SUV39H2: variants seen among roughly 807,000 people sequenced by gnomAD.
SUV39H2 encodes the protein SUV39H2 histone lysine methyltransferase, also known as histone-lysine N-methyltransferase SUV39H2.
A neutral mutation model predicts 47.5 loss-of-function variants in SUV39H2; 10 were observed. That is an observed-to-expected ratio of 0.21 (90% CI 0.13 to 0.36). The LOEUF (loss-of-function observed/expected upper bound fraction) is 0.36. Ranked by LOEUF, SUV39H2 falls within the 10% of genes least tolerant of loss-of-function variation. SUV39H2 has a pLI of 1.00. For synonymous variants in SUV39H2, 159 were observed against 166.8 expected (o/e 0.95, Z 0.36); for missense variants, 266 against 487.4 (o/e 0.55, Z 4.28).
At chr10:14,894,806 C>A (rs1371319646) in intron 2 of SUV39H2, among the ~76,000 whole-genome samples, 1 of 152,150 alleles carries the variant, frequency 6.6e-6, no homozygotes, top group Non-Finnish European at 1.5e-5. Context: ...TCATGGTGTC[C>A]CTCAGCCCAA....
chr10:14,898,211 T>TC (rs1833735684), intron 3 of SUV39H2: 1 of 137,856 alleles, frequency 7.3e-6, no homozygotes, highest in African/African-American at 2.8e-5. Flanking sequence ...TCTTTTTTTT[T>TC]TTTTTTTTTT....
chr10:14,879,445 C>A (rs917956255), intron 1 of SUV39H2, among the ~76,000 whole-genome samples: 1 of 152,210 alleles, frequency 6.6e-6, no homozygotes, highest in Admixed American at 6.5e-5. Context: ...CGAGGAATCC[C>A]CCCCAAGGCG....
At chr10:14,899,475 T>C (rs1220899560) in intron 3 of SUV39H2, 64 bp from the exon 4 acceptor site, 1 of 1,543,630 alleles carries the variant, frequency 6.5e-7, no homozygotes, top group Non-Finnish European at 8.9e-7. Flanking sequence ...TATTAGTAGA[T>C]AGGTAGATGA....
intron 2 of SUV39H2, among the ~76,000 whole-genome samples, chr10:14,892,077 C>T (rs576999938): frequency 1.5e-4 from 23 of 152,128 alleles, no homozygotes; most frequent in African/African-American, 4.8e-4. Context: ...GTGTCTCCAT[C>T]GTGTAAGTGA....
intron 2 of SUV39H2, among the ~76,000 whole-genome samples, chr10:14,883,872 A>C (rs1468670783): frequency 1.3e-5 from 2 of 152,184 alleles, no homozygotes; most frequent in East Asian, 3.8e-4. Flanking sequence ...GCCGTAGGGC[A>C]GCCACTACAT....
In SUV39H2 at chr10:14,897,247, C is replaced by T. The variant is rs1292281668; in HGVS notation, c.579C>T (p.Cys193=). ...LVNEATFGCS[C]TDCFFQKCCP... ...ATGAAGCTACCTTTGGTTGTTCATG[C>T]ACAGATTGCTTCTTTCAAAAATGTT... Residue 193 remains cysteine (C), a synonymous_variant, in exon 3 of 6, where the codon TGC becomes TGT. Coordinates refer to ENST00000354919, the MANE Select transcript of SUV39H2 (RefSeq NM_001193424.2). 6.2e-7 allele frequency: 1 copy of T among 1,613,806 alleles called. No individual in the cohort carries two copies. Among genetic ancestry groups the T allele is most frequent in the East Asian group, 2.2e-5 (1 of 44,902 alleles).
chr10:14,897,002 C>G lies in SUV39H2; in HGVS notation c.334C>G (p.Pro112Ala), dbSNP rs1564341972. ...SQVKKGKAITPKDNNKTLKPA... is the reference protein window; with the variant it reads ...SQVKKGKAITAKDNNKTLKPA... The stretch of plus-strand genomic sequence containing the variant: ...GGTAAAGAAAGGCAAAGCAATAACT[C>G]CAAAAGACAATAACAAAACTTTGAA... Residue 112 changes from proline (P) to alanine (A), a missense_variant, in exon 3 of 6, where the codon CCA becomes GCA. Coordinates refer to ENST00000354919, the MANE Select transcript of SUV39H2 (RefSeq NM_001193424.2). The G allele has an allele frequency of 1.2e-6, 2 of 1,613,904 alleles. No individual in the cohort carries two copies. Among genetic ancestry groups the G allele is most frequent in the Non-Finnish European group, 1.7e-6 (2 of 1,179,984 alleles).
chr10:14,889,264 ATTTTT>A, intron 2 of SUV39H2, among the ~76,000 whole-genome samples: 1 of 151,738 alleles, frequency 6.6e-6, no homozygotes, highest in East Asian at 1.9e-4. Context: ...TGTGATAGTA[ATTTTT>A]TTTTAATTTT....
intron 2 of SUV39H2, among the ~76,000 whole-genome samples, chr10:14,894,644 G>GTTTTTGT: frequency 3.5e-5 from 2 of 57,476 alleles, no homozygotes; most frequent in Non-Finnish European, 2.9e-5. Flanking sequence ...TGGGATTACA[G>GTTTTTGT]GCGTGAGCCA....
chr10:14,900,705 A>G (rs1388574740), intron 4 of SUV39H2, among the ~76,000 whole-genome samples: 1 of 152,202 alleles, frequency 6.6e-6, no homozygotes, highest in Non-Finnish European at 1.5e-5. Flanking sequence ...ATGCAGTGTA[A>G]AATTTGAGTT....
chr10:14,900,380 C>A (rs1455810591), intron 4 of SUV39H2, among the ~76,000 whole-genome samples: 1 of 152,100 alleles, frequency 6.6e-6, no homozygotes, highest in Non-Finnish European at 1.5e-5. Flanking sequence ...CAGTGTGTGC[C>A]ACAAAGTTAT....
chr10:14,881,609 T>C lies in SUV39H2; in HGVS notation c.141T>C (p.Tyr47=). ...TCACCAAAAGGAATCTAAACAATTA[T>C]GAGGTGGAATACTTGTGTGACTACA... The part of the protein sequence containing the change: ...IGITKRNLNN[Y]EVEYLCDYKV... The change falls in exon 2 of 6, where the codon TAT becomes TAC. Residue 47 remains tyrosine (Y), a synonymous_variant. Coordinates refer to ENST00000354919, the MANE Select transcript of SUV39H2 (RefSeq NM_001193424.2). 2 of 1,600,506 alleles carry C rather than the reference T, an allele frequency of 1.2e-6. No homozygotes were observed. The highest frequency in any genetic ancestry group is 1.7e-6 in the Non-Finnish European group (2 of 1,175,584).
Position 14,901,218 on chromosome 10 carries a change from C to G in SUV39H2, c.1082C>G (p.Thr361Ser). 1 of 1,614,018 alleles carries G rather than the reference C, an allele frequency of 6.2e-7. No homozygotes were observed. Among genetic ancestry groups the G allele is most frequent in the Non-Finnish European group, 8.5e-7 (1 of 1,179,964 alleles). Reference sequence around the variant, plus strand: ...CGAATAGCATTGTTTTCCACAAGAACCATAAATGCTGGAGAAGAGCTGACT... The same window carrying G: ...CGAATAGCATTGTTTTCCACAAGAAGCATAAATGCTGGAGAAGAGCTGACT... ...LPRIALFSTR[T>S]INAGEELTFD... Residue 361 changes from threonine (T) to serine (S), a missense_variant, in exon 5 of 6, where the codon ACC (threonine) becomes AGC (serine). Physicochemically the swap from Thr to Ser is moderately conservative, Grantham distance 58. This residue lies in a region of SUV39H2 where 112 missense variants were observed against 271.9 expected (regional missense o/e 0.41). Transcript: ENST00000354919.
intron 2 of SUV39H2, among the ~76,000 whole-genome samples, chr10:14,883,704 C>CAAAAAAAAAAAAAAAAAAAAAA (rs58522342): frequency 6.0e-5 from 3 of 50,060 alleles, no homozygotes; most frequent in Non-Finnish European, 1.6e-4. Flanking sequence ...GACTCAGTCT[C>CAAAAAAAAAAAAAAAAAAAAAA]AAAAAAAAAA....
At chr10:14,881,670 C>A in intron 2 of SUV39H2, 25 bp downstream of exon 2, 4 of 1,469,448 alleles carry the variant, frequency 2.7e-6, no homozygotes, top group Non-Finnish European at 3.6e-6. Context: ...TAGCCCCTTA[C>A]AAGAGACCTA....
At chr10:14,892,999 ATTTTTT>A (rs869161891) in intron 2 of SUV39H2, among the ~76,000 whole-genome samples, 1 of 79,940 alleles carries the variant, frequency 1.3e-5, no homozygotes, top group East Asian at 3.2e-4. Context: ...AATTTTTTGT[ATTTTTT>A]TTTTTTTTTT....
intron 2 of SUV39H2, among the ~76,000 whole-genome samples, chr10:14,884,071 T>C (rs762211822): frequency 3.3e-5 from 5 of 152,256 alleles, no homozygotes; most frequent in Non-Finnish European, 5.9e-5. Flanking sequence ...TTTAACTTAT[T>C]CATCACTTCG....
chr10:14,879,229 G>A (rs1832966453), intron 1 of SUV39H2: 2 of 745,126 alleles, frequency 2.7e-6, no homozygotes, highest in Non-Finnish European at 3.5e-6. Context: ...CTCGGGCTTC[G>A]AGGCCGCTCC....
intron 2 of SUV39H2, 129 bp downstream of exon 2, chr10:14,881,774 T>A: frequency 1.2e-6 from 1 of 811,608 alleles, no homozygotes; most frequent in Non-Finnish European, 1.8e-6. Context: ...ATGATAAATT[T>A]ATATGTCCTA....
Sources: gnomAD v4.1 joint callset for allele counts (sites outside exome capture counted in the v4.1 genomes callset) on GRCh38, gnomAD v4.1.1 for gene constraint, gnomAD v4.1.1 regional missense constraint, MANE v1.5 for transcripts, NCBI Gene and HGNC (gene_info 2026-07-23, HGNC 2026-07-21) for gene names.